Variants in GRIK2 observed in about 807,000 individuals in gnomAD.
GRIK2 encodes the protein glutamate receptor ionotropic, kainate 2.
A neutral mutation model predicts 100.3 loss-of-function variants in GRIK2; 32 were observed. That is an observed-to-expected ratio of 0.32 (90% confidence interval 0.24 to 0.43). The LOEUF (loss-of-function observed/expected upper bound fraction) is 0.43, where lower values mean the gene tolerates loss of function less well. Ranked by LOEUF, GRIK2 falls within the 20% of genes least tolerant of loss-of-function variation. GRIK2 has a pLI of 1.00. For missense variants in GRIK2, 843 were observed against 1,114.9 expected, an observed-to-expected ratio of 0.76 and a Z score of 3.47; for synonymous variants, 417 against 389.4, an observed-to-expected ratio of 1.07 and a Z score of -0.83.
At chr6:101,969,979 C>G (rs1320776796) in intron 14 of GRIK2, among the ~76,000 whole-genome samples, 1 of 151,846 alleles carries the variant, frequency 6.6e-6, no homozygotes, top group Non-Finnish European at 1.5e-5. Flanking sequence ...CTATAATGTT[C>G]TCAACCATCT....
At chr6:101,653,652 C>G (rs62421393) in intron 4 of GRIK2, among the ~76,000 whole-genome samples, 1 of 149,026 alleles carries the variant, frequency 6.7e-6, no homozygotes. Context: ...TTTTTTTTTC[C>G]TCACTTGTTG....
intron 11 of GRIK2, among the ~76,000 whole-genome samples, chr6:101,868,839 A>G (rs1308062767): frequency 6.6e-6 from 1 of 151,928 alleles, no homozygotes; most frequent in Non-Finnish European, 1.5e-5. Context: ...CCCATGTGGA[A>G]AAAAATTCAG....
rs567757735 is a variant in GRIK2 at position 101,534,538 on chromosome 6, T to C, written c.116-87411T>C. On this transcript the variant is annotated intron_variant, in intron 2 of 16. Coordinates refer to ENST00000369134, the MANE Select transcript of GRIK2 (RefSeq NM_021956.5). ...TATGTGAGATGCATTCCTAATGCAA[T>C]CTGTGGAAACTCTTGTGAACATTGG... Among the ~76,000 whole-genome samples the C allele has an allele frequency of 8.6e-5, 13 of 151,986 alleles. No individual in the cohort carries two copies. The East Asian group carries it at 2.3e-3, about 27-fold the overall frequency.
At chr6:101,845,354 C>A (rs796593877) in intron 10 of GRIK2, among the ~76,000 whole-genome samples, 16 of 152,170 alleles carry the variant, frequency 1.1e-4, no homozygotes, top group African/African-American at 2.9e-4. Context: ...AGCCTATCTG[C>A]TTTCTCTTTC....
intron 2 of GRIK2, among the ~76,000 whole-genome samples, chr6:101,488,565 T>C (rs1297354497): frequency 1.4e-5 from 2 of 146,640 alleles, no homozygotes; most frequent in Non-Finnish European, 3.0e-5. Flanking sequence ...TATTGATCGA[T>C]AGATGGATGT....
intron 14 of GRIK2, among the ~76,000 whole-genome samples, chr6:101,998,839 A>C (rs151092156): frequency 0.023 from 1,975 of 85,138 alleles, 35 homozygotes; most frequent in East Asian, 0.12. Context: ...TTTGAGTTGG[A>C]GTCTCGTTCT....
intron 2 of GRIK2, among the ~76,000 whole-genome samples, chr6:101,465,435 A>G (rs1771590136): frequency 6.6e-6 from 1 of 152,164 alleles, no homozygotes; most frequent in Non-Finnish European, 1.5e-5. Context: ...ATGTTGCTGC[A>G]AAAAACATGT....
intron 14 of GRIK2, among the ~76,000 whole-genome samples, chr6:102,007,239 T>A (rs1294838691): frequency 6.6e-6 from 1 of 152,012 alleles, no homozygotes; most frequent in African/African-American, 2.4e-5. Context: ...AGTGAGAAGA[T>A]AAGAAAATAC....
intron 4 of GRIK2, among the ~76,000 whole-genome samples, chr6:101,664,970 C>T (rs748054309): frequency 5.9e-5 from 9 of 152,176 alleles, no homozygotes; most frequent in Non-Finnish European, 1.2e-4. Context: ...TCAATTACCT[C>T]CCACTGGGCC....
At chr6:101,956,309 A>G (rs1403773344) in intron 14 of GRIK2, among the ~76,000 whole-genome samples, 1 of 152,130 alleles carries the variant, frequency 6.6e-6, no homozygotes, top group Non-Finnish European at 1.5e-5. Flanking sequence ...CACATGAGAT[A>G]TTAATTTTAT....
rs117979890 is a variant in GRIK2 at position 101,735,009 on chromosome 6, C to A, written c.951+48656C>A. 1.5e-3 allele frequency among the ~76,000 whole-genome samples: 231 copies of A among 152,044 alleles called. 5 individuals carry two copies. The East Asian group carries it at 0.036, about 24-fold the overall frequency. On this transcript the variant is annotated intron_variant, in intron 7 of 16. Coordinates refer to ENST00000369134, the MANE Select transcript of GRIK2 (RefSeq NM_021956.5). Reference sequence around the variant, plus strand: ...TGAGGAGAGAATAAAAGGGAGGGATCAATAATGGTGGCCAGTGGCTAGATT... The same window carrying A: ...TGAGGAGAGAATAAAAGGGAGGGATAAATAATGGTGGCCAGTGGCTAGATT...
intron 2 of GRIK2, among the ~76,000 whole-genome samples, chr6:101,611,198 G>A (rs1029597776): frequency 1.3e-5 from 2 of 151,736 alleles, no homozygotes; most frequent in Non-Finnish European, 2.9e-5. Context: ...AAATAAGAAA[G>A]CACATTTACA....
At chr6:101,710,771 T>G (rs766651241) in intron 7 of GRIK2, among the ~76,000 whole-genome samples, 1 of 151,754 alleles carries the variant, frequency 6.6e-6, no homozygotes, top group Non-Finnish European at 1.5e-5. Flanking sequence ...CATGCTTTGT[T>G]GAAGCACCAG....
intron 2 of GRIK2, among the ~76,000 whole-genome samples, chr6:101,414,997 T>C (rs1342411388): frequency 2.1e-5 from 3 of 141,926 alleles, no homozygotes; most frequent in Admixed American, 2.1e-4. Context: ...TATATGTGTG[T>C]GGTGTGTGGG....
chr6:102,051,978 T>G (rs1771223412), intron 15 of GRIK2, among the ~76,000 whole-genome samples: 1 of 152,142 alleles, frequency 6.6e-6, no homozygotes, highest in Admixed American at 6.5e-5. Context: ...ATGTGGGAGT[T>G]TGAACTTGGG....
intron 7 of GRIK2, among the ~76,000 whole-genome samples, chr6:101,755,019 T>C (rs963474430): frequency 6.6e-6 from 1 of 152,108 alleles, no homozygotes; most frequent in African/African-American, 2.4e-5. Flanking sequence ...TAACTCTGCT[T>C]GAATTGTGGC....
Position 101,621,960 on chromosome 6 carries a change from G to C in GRIK2, c.127G>C (p.Glu43Gln). 2 of 1,604,456 alleles carry C rather than the reference G, an allele frequency of 1.2e-6. No homozygotes were observed. Among genetic ancestry groups the C allele is most frequent in the Non-Finnish European group, 1.7e-6 (2 of 1,172,488 alleles). Residue 43 changes from glutamate to glutamine, a missense_variant, in exon 3 of 17, where the codon GAA becomes CAA. Transcript: ENST00000369134. ...THVLRFGGIF[E>Q]YVESGPMGAE... is the part of the protein sequence containing the mutation. ...TTTCTTTTTGCCAGGTGGTATTTTT[G>C]AATATGTGGAATCTGGCCCAATGGG...
intron 14 of GRIK2, among the ~76,000 whole-genome samples, chr6:101,996,209 G>A (rs1794643669): frequency 6.6e-6 from 1 of 151,994 alleles, no homozygotes; most frequent in Non-Finnish European, 1.5e-5. Context: ...AGGTAATGCA[G>A]GCAGTTAACA....
chr6:101,414,265 T>G (rs1776008358), intron 2 of GRIK2, among the ~76,000 whole-genome samples: 1 of 152,224 alleles, frequency 6.6e-6, no homozygotes, highest in Admixed American at 6.5e-5. Context: ...GCTATCAGAT[T>G]AGAATGACCA....
Sources: gnomAD v4.1 joint callset for allele counts (sites outside exome capture counted in the v4.1 genomes callset) on GRCh38, gnomAD v4.1.1 for gene constraint, MANE v1.5 for transcripts, NCBI Gene and HGNC (gene_info 2026-07-23, HGNC 2026-07-21) for gene names.